The following CMSS1 variants were observed in gnomAD, a reference collection of about 807,000 sequenced individuals.
The protein encoded by CMSS1 is protein CMSS1.
Under a neutral mutation model 43.5 loss-of-function variants are expected in CMSS1, and 33 were observed. That is an observed-to-expected ratio of 0.76 (90% CI 0.57 to 1.01). The LOEUF is 1.01. Ranked by LOEUF, CMSS1 falls within the 50% of genes least tolerant of loss-of-function variation. CMSS1 has a pLI of 0.00. For missense variants in CMSS1, 313 were observed against 326.4 expected (o/e 0.96, Z 0.32); for synonymous variants, 115 against 117.2 (o/e 0.98, Z 0.12).
At chr3:100,038,763 G>A (rs2065152583) in intron 1 of CMSS1, among the ~76,000 whole-genome samples, 1 of 152,146 alleles carries the variant, frequency 6.6e-6, no homozygotes, top group African/African-American at 2.4e-5. Context: ...AGCCTCCCAA[G>A]TAGCTGAGAT....
chr3:100,086,392 C>G (rs1297225269), intron 1 of CMSS1, among the ~76,000 whole-genome samples: 1 of 152,090 alleles, frequency 6.6e-6, no homozygotes, highest in African/African-American at 2.4e-5. Flanking sequence ...AATCAGCTGA[C>G]CCCCTCTAGT....
chr3:100,017,759 T>TA (rs1343759030), intron 1 of CMSS1, among the ~76,000 whole-genome samples: 2 of 151,922 alleles, frequency 1.3e-5, no homozygotes, highest in Non-Finnish European at 2.9e-5. Flanking sequence ...ACACTGTCTC[T>TA]AAAAATAATA....
chr3:99,909,042 G>A (rs1000361696), intron 1 of CMSS1, among the ~76,000 whole-genome samples: 2 of 152,210 alleles, frequency 1.3e-5, no homozygotes, highest in African/African-American at 2.4e-5. Flanking sequence ...GTGTGCATGT[G>A]TGTGTGCACA....
rs1012080976 is a variant in CMSS1, at chr3:100,147,005, G to C, written c.97G>C (p.Glu33Gln). ...AGATGGTGAAGGAGAAGGAGACACA[G>C]AAGTGATGCAGCAGGAGACAGTTCC... The part of the protein sequence containing the change: ...ASDGEGEGDT[E>Q]VMQQETVPVP... The change falls in exon 2 of 10, where the codon GAA (glutamate) becomes CAA (glutamine). Residue 33 changes from glutamate to glutamine, a missense_variant. Physicochemically the swap from Glu to Gln is conservative, Grantham distance 29. Transcript: ENST00000421999. 1 of 1,613,884 alleles carries C rather than the reference G, an allele frequency of 6.2e-7. No individual in the cohort carries two copies. Among genetic ancestry groups the C allele is most frequent in the Non-Finnish European group, 8.5e-7 (1 of 1,179,802 alleles).
At chr3:100,073,621 A>T (rs530043520) in intron 1 of CMSS1, among the ~76,000 whole-genome samples, 1 of 152,148 alleles carries the variant, frequency 6.6e-6, no homozygotes, top group Non-Finnish European at 1.5e-5. Context: ...ATTTTGTTAG[A>T]GCTCCTCAAA....
chr3:99,850,914 G>A (rs779951330), intron 1 of CMSS1: 8 of 1,614,094 alleles, frequency 5.0e-6, no homozygotes, highest in Non-Finnish European at 5.9e-6. Context: ...GTCTTTGAAG[G>A]GTGAGCTGTG....
chr3:99,988,687 A>C (rs1279745864), intron 1 of CMSS1, among the ~76,000 whole-genome samples: 1 of 152,216 alleles, frequency 6.6e-6, no homozygotes, highest in African/African-American at 2.4e-5. Context: ...ACAAAAAAGA[A>C]ATTAACCCTT....
chr3:99,940,274 A>G (rs975171530), intron 1 of CMSS1, among the ~76,000 whole-genome samples: 2 of 152,238 alleles, frequency 1.3e-5, no homozygotes, highest in African/African-American at 4.8e-5. Flanking sequence ...GTTTAAATGC[A>G]TTTTTAAATG....
chr3:99,922,552 A>T (rs1707157755), intron 1 of CMSS1, among the ~76,000 whole-genome samples: 1 of 152,212 alleles, frequency 6.6e-6, no homozygotes, highest in South Asian at 2.1e-4. Flanking sequence ...ATGGAAAATA[A>T]ATGAAAGTTT....
intron 1 of CMSS1, among the ~76,000 whole-genome samples, chr3:99,878,247 C>A (rs1366237005): frequency 6.6e-6 from 1 of 152,128 alleles, no homozygotes. Context: ...TAATAGCCCT[C>A]ATTTGTTGAG....
intron 1 of CMSS1, among the ~76,000 whole-genome samples, chr3:100,098,316 C>CCTAT (rs1559756876): frequency 6.6e-6 from 1 of 152,126 alleles, no homozygotes; most frequent in East Asian, 1.9e-4. Context: ...AGTGAAAAAC[C>CCTAT]CTATATTTGA....
chr3:99,946,979 A>G (rs1305308564), intron 1 of CMSS1, among the ~76,000 whole-genome samples: 1 of 152,076 alleles, frequency 6.6e-6, no homozygotes, highest in Non-Finnish European at 1.5e-5. Context: ...TACTAAAAAA[A>G]TACAAAAATT....
At chr3:99,922,579 TTGAGGTAAC>T (rs372531636) in intron 1 of CMSS1, among the ~76,000 whole-genome samples, 11 of 152,330 alleles carry the variant, frequency 7.2e-5, no homozygotes, top group African/African-American at 1.2e-4. Context: ...AGCCTAGATA[TTGAGGTAAC>T]TAACTTAAGT....
chr3:100,146,177 G>T (rs1037243348), intron 1 of CMSS1, among the ~76,000 whole-genome samples: 1 of 152,214 alleles, frequency 6.6e-6, no homozygotes, highest in African/African-American at 2.4e-5. Flanking sequence ...TGGGAAATAA[G>T]AACCTTCTGG....
At chr3:100,091,699 A>C (rs2066113055) in intron 1 of CMSS1, among the ~76,000 whole-genome samples, 1 of 152,242 alleles carries the variant, frequency 6.6e-6, no homozygotes, top group South Asian at 2.1e-4. Flanking sequence ...ATCTCTGACA[A>C]GAATAAAAAT....
chr3:99,926,971 CT>C (rs1386564999), intron 1 of CMSS1, among the ~76,000 whole-genome samples: 1 of 152,196 alleles, frequency 6.6e-6, no homozygotes, highest in Non-Finnish European at 1.5e-5. Context: ...TTTTTCACCA[CT>C]GGGACTCCAC....
At chr3:100,022,483 A>G (rs894975939) in intron 1 of CMSS1, among the ~76,000 whole-genome samples, 12 of 152,240 alleles carry the variant, frequency 7.9e-5, no homozygotes, top group Non-Finnish European at 5.9e-5. Flanking sequence ...CAGAAACAGC[A>G]TTGAGCATGA....
At chr3:99,984,692 G>A (rs753879201) in intron 1 of CMSS1, among the ~76,000 whole-genome samples, 3 of 152,162 alleles carry the variant, frequency 2.0e-5, no homozygotes, top group Non-Finnish European at 4.4e-5. Context: ...GCTACTGTGG[G>A]GGAGGGAATC....
At chr3:100,171,448 G>A (rs963775014) in intron 6 of CMSS1, among the ~76,000 whole-genome samples, 8 of 151,710 alleles carry the variant, frequency 5.3e-5, no homozygotes, top group East Asian at 3.9e-4. Context: ...TGACATCACC[G>A]CTCCAAGATA....
Sources: allele counts gnomAD v4.1 joint callset (sites outside exome capture counted in the v4.1 genomes callset), GRCh38; gene constraint gnomAD v4.1.1; transcripts MANE v1.5; gene names NCBI Gene and HGNC (gene_info 2026-07-23, HGNC 2026-07-21).